LYRM4: variants seen among roughly 807,000 people sequenced by gnomAD.
The protein encoded by LYRM4 is LYR motif-containing protein 4.
In LYRM4, 9 loss-of-function variants were observed where a neutral mutation model predicts 11.7. The ratio of observed to expected loss-of-function variants is 0.77; its 90% CI spans 0.46 to 1.34. The LOEUF (loss-of-function observed/expected upper bound fraction) is 1.34. Ranked by LOEUF, LYRM4 falls within the 40% of genes most tolerant of loss-of-function variation. The pLI, the probability that LYRM4 is intolerant of heterozygous loss-of-function variation, is 0.00. For missense variants in LYRM4, 133 were observed against 112.5 expected (o/e 1.18, Z -0.82); for synonymous variants, 42 against 40.4 (o/e 1.04, Z -0.15).
the LYRM4 span, chr6:5,087,410 TA>T: frequency 6.6e-6 from 1 of 152,252 alleles, no homozygotes; most frequent in East Asian, 1.9e-4. Context: ...AAATGTTCTG[TA>T]GAAAGTGTTC....
chr6:5,257,529 T>TC (rs1764734166), intron 1 of LYRM4, among the ~76,000 whole-genome samples: 1 of 152,082 alleles, frequency 6.6e-6, no homozygotes, highest in Admixed American at 6.5e-5. Flanking sequence ...ATAGCAGGGG[T>TC]CCCCAACCCA....
intron 2 of LYRM4, among the ~76,000 whole-genome samples, chr6:5,120,347 T>C (rs1018237708): frequency 1.3e-5 from 2 of 152,194 alleles, no homozygotes; most frequent in Non-Finnish European, 2.9e-5. Context: ...TTGAGGTCTG[T>C]GCACGGGAGC....
At chr6:5,038,206 T>G in the LYRM4 span, among the ~76,000 whole-genome samples, 6 of 42,492 alleles carry the variant, frequency 1.4e-4, no homozygotes, top group Non-Finnish European at 2.7e-4. Context: ...TCTCAGACGA[T>G]GGGCGGCCGG....
the LYRM4 span, chr6:5,085,230 A>G: frequency 4.7e-6 from 2 of 421,880 alleles, no homozygotes; most frequent in Non-Finnish European, 8.3e-6. Flanking sequence ...CGTCGCGGGC[A>G]GGTTCAACCG....
the LYRM4 span, chr6:5,088,966 G>A: frequency 6.6e-6 from 1 of 152,194 alleles, no homozygotes; most frequent in East Asian, 1.9e-4. Flanking sequence ...GCTTCAAAAT[G>A]TGGCATCTTA....
chr6:5,187,400 C>T (rs183062901), intron 2 of LYRM4, among the ~76,000 whole-genome samples: 177 of 152,322 alleles, frequency 1.2e-3, no homozygotes, highest in African/African-American at 1.7e-3. Context: ...TCAATGTAAA[C>T]GTCCATCATT....
the LYRM4 span, chr6:5,086,843 A>T: frequency 2.0e-6 from 1 of 490,686 alleles, no homozygotes; most frequent in Non-Finnish European, 3.6e-6. Flanking sequence ...CCTGCGTCAG[A>T]ATAGGAAGAA....
chr6:5,080,363 T>C, the LYRM4 span, among the ~76,000 whole-genome samples: 462 of 152,356 alleles, frequency 3.0e-3, 2 homozygotes, highest in Middle Eastern at 0.014. Context: ...TCTCCAGATC[T>C]AATGTGTTTC....
the LYRM4 span, among the ~76,000 whole-genome samples, chr6:5,091,768 A>G: frequency 3.9e-5 from 6 of 152,256 alleles, no homozygotes; most frequent in Admixed American, 3.9e-4. Flanking sequence ...GTAAGTCATG[A>G]GTTCAGAGCA....
Position 5,108,656 on chromosome 6 carries a change from T to C in LYRM4, c.*767A>G. ...ACCAGCCAGATTTGGGCACCGGTGC[T>C]GCCCAGCATGCCCCAGGCTTCAGGG... On this transcript the variant is annotated 3_prime_UTR_variant, in exon 3 of 3. Coordinates refer to ENST00000330636, the MANE Select transcript of LYRM4 (RefSeq NM_020408.6). 1 of 543,932 alleles carries C rather than the reference T, an allele frequency of 1.8e-6. No individual in the cohort carries two copies. Among genetic ancestry groups the C allele is most frequent in the Non-Finnish European group, 2.3e-6 (1 of 426,150 alleles). The allele number at this position is 543,932 out of a possible 1,614,324, so 33.7% of individuals were successfully genotyped here.
Position 5,260,904 on chromosome 6 carries a change from G to A in LYRM4, c.-171C>T. The A allele has an allele frequency of 7.2e-7, 1 of 1,381,980 alleles. No homozygotes were observed. Among genetic ancestry groups the A allele is most frequent in the Non-Finnish European group, 9.3e-7 (1 of 1,074,160 alleles). 85.6% of individuals were successfully genotyped at this position (1,381,980 alleles called of 1,614,324 possible). On this transcript the variant is annotated 5_prime_UTR_variant, in exon 1 of 3. Transcript: ENST00000330636. ...CGGGCAGCCCTGCGGATCGCGGACG[G>A]CGCCAGGCGTCCCGCGCCGCTTCGG...
chr6:5,213,712 T>A lies in LYRM4; in HGVS notation c.207+2906A>T, dbSNP rs375764307. On this transcript the variant is annotated intron_variant, in intron 2 of 2. Transcript: ENST00000330636. ...GGTGGCCAAAAAGACACCCTGATTT[T>A]GGTGGTATAGACCCTGCCACTGAGA... Among the ~76,000 whole-genome samples the A allele has an allele frequency of 4.4e-4, 67 of 152,294 alleles. No individual in the cohort carries two copies. The East Asian group carries it at 7.5e-3, about 17-fold the overall frequency.
At chr6:5,147,647 A>G (rs1043029207) in intron 2 of LYRM4, among the ~76,000 whole-genome samples, 10 of 152,234 alleles carry the variant, frequency 6.6e-5, no homozygotes, top group African/African-American at 2.2e-4. Context: ...CTTTGAAGGA[A>G]GACAGGAAAC....
chr6:5,078,864 C>A, the LYRM4 span, among the ~76,000 whole-genome samples: 2 of 152,270 alleles, frequency 1.3e-5, no homozygotes, highest in South Asian at 2.1e-4. Context: ...GCAAGCTAAT[C>A]TCTTTCAAAA....
intron 1 of LYRM4, among the ~76,000 whole-genome samples, chr6:5,259,767 G>A (rs542522405): frequency 1.3e-3 from 193 of 152,206 alleles, no homozygotes; most frequent in African/African-American, 4.5e-3. Flanking sequence ...TGGGAATATG[G>A]CTCAAACTCA....
intron 2 of LYRM4, among the ~76,000 whole-genome samples, chr6:5,139,396 C>T (rs1296540934): frequency 6.6e-6 from 1 of 152,254 alleles, no homozygotes; most frequent in Non-Finnish European, 1.5e-5. Flanking sequence ...ACAGGTCACA[C>T]TGTATTTACA....
At chr6:5,047,560 A>G in the LYRM4 span, among the ~76,000 whole-genome samples, 3 of 152,212 alleles carry the variant, frequency 2.0e-5, no homozygotes, top group Non-Finnish European at 4.4e-5. Context: ...GTGATGATGC[A>G]TTCTTTTATT....
At chr6:5,062,452 T>C in the LYRM4 span, among the ~76,000 whole-genome samples, 2 of 151,934 alleles carry the variant, frequency 1.3e-5, no homozygotes, top group East Asian at 3.9e-4. Context: ...ATGTCTGGCC[T>C]TATTTTCATT....
At chr6:5,074,865 A>G in the LYRM4 span, among the ~76,000 whole-genome samples, 2 of 152,192 alleles carry the variant, frequency 1.3e-5, no homozygotes, top group East Asian at 3.9e-4. Context: ...GTCCCTGCTA[A>G]ATCTCCTGTT....
Sources: gnomAD v4.1 joint callset for allele counts (sites outside exome capture counted in the v4.1 genomes callset) on GRCh38, gnomAD v4.1.1 for gene constraint, MANE v1.5 for transcripts, NCBI Gene and HGNC (gene_info 2026-07-23, HGNC 2026-07-21) for gene names.